The following MBD5 variants were observed in gnomAD, a reference collection of about 807,000 sequenced individuals.
MBD5 encodes the protein methyl-CpG-binding domain protein 5.
MBD5 carries 13 observed loss-of-function variants against 117.3 expected under a neutral mutation model. That is an observed-to-expected ratio of 0.11 (90% CI 0.07 to 0.18). The LOEUF (loss-of-function observed/expected upper bound fraction) is 0.18. Among genes scored for constraint, MBD5 ranks in the 10% least tolerant of loss-of-function variants. The pLI is 1.00. For synonymous variants in MBD5, 727 were observed against 766.4 expected, an observed-to-expected ratio of 0.95 and a Z score of 0.85; for missense variants, 1,879 against 2,093.8, an observed-to-expected ratio of 0.90 and a Z score of 2.00.
intron 4 of MBD5, among the ~76,000 whole-genome samples, chr2:148,345,065 A>G (rs16828565): frequency 0.047 from 7,196 of 151,790 alleles, 200 homozygotes; most frequent in African/African-American, 0.071. Flanking sequence ...TTATTTAACC[A>G]TGGAATGCAT....
At position 148,513,370 on chromosome 2, in the gene MBD5, A is replaced by G. The variant is rs1474651457; in HGVS notation, c.*429A>G. 5.7e-6 allele frequency: 1 copy of G among 176,600 alleles called. No individual in the cohort carries two copies. Among genetic ancestry groups the G allele is most frequent in the Non-Finnish European group, 1.2e-5 (1 of 81,792 alleles). The allele number at this position is 176,600 out of a possible 1,614,324, so 10.9% of individuals were successfully genotyped here. A position where few individuals can be genotyped will look rare whatever the true frequency, so the allele number is the denominator to read the frequency against. On this transcript the variant is annotated 3_prime_UTR_variant, in exon 14 of 14. Coordinates refer to ENST00000642680, the MANE Select transcript of MBD5 (RefSeq NM_001378120.1). Reference sequence around the variant, plus strand: ...ACTTTATCTTTTATTGTACAAAGAAATAGTGTACAAAATTCTTTGGTTTCT... The same window carrying G: ...ACTTTATCTTTTATTGTACAAAGAAGTAGTGTACAAAATTCTTTGGTTTCT...
chr2:148,020,975 T>G (rs902213249), upstream of MBD5: 1 of 151,982 alleles, frequency 6.6e-6, no homozygotes, highest in African/African-American at 2.4e-5. Flanking sequence ...TCTGGGAAAA[T>G]AGCTCATTTC....
chr2:148,038,848 T>C (rs1185849687), intron 1 of MBD5, among the ~76,000 whole-genome samples: 1 of 152,054 alleles, frequency 6.6e-6, no homozygotes, highest in Non-Finnish European at 1.5e-5. Flanking sequence ...TGATTTTTGT[T>C]TCAAAAATAT....
intron 3 of MBD5, among the ~76,000 whole-genome samples, chr2:148,294,278 G>A (rs2106442539): frequency 7.0e-6 from 1 of 143,544 alleles, no homozygotes; most frequent in Admixed American, 7.2e-5. Flanking sequence ...AGGCTGGAGT[G>A]CAGTGGCGTG....
intron 1 of MBD5, among the ~76,000 whole-genome samples, chr2:148,035,791 C>G (rs146339063): frequency 6.6e-6 from 1 of 152,242 alleles, no homozygotes; most frequent in East Asian, 1.9e-4. Flanking sequence ...TCAGTCTCTT[C>G]ATTAGTAAAA....
chr2:148,074,216 C>T (rs117168579), intron 1 of MBD5, among the ~76,000 whole-genome samples: 503 of 152,180 alleles, frequency 3.3e-3, no homozygotes, highest in East Asian at 8.3e-3. Flanking sequence ...GTCTGCTTAC[C>T]TTCAGCAACA....
chr2:148,345,895 T>G (rs1343652691), intron 4 of MBD5: 3 of 151,828 alleles, frequency 2.0e-5, no homozygotes, highest in Non-Finnish European at 4.4e-5. Flanking sequence ...GCTAGGCCTG[T>G]CTCTCCTTTT....
intron 3 of MBD5, among the ~76,000 whole-genome samples, chr2:148,326,233 G>A: frequency 6.6e-6 from 1 of 152,156 alleles, no homozygotes; most frequent in East Asian, 1.9e-4. Flanking sequence ...TTTTACATTT[G>A]CTGAGGAGAG....
At chr2:148,306,355 T>C (rs2106504219) in intron 3 of MBD5, among the ~76,000 whole-genome samples, 1 of 152,342 alleles carries the variant, frequency 6.6e-6, no homozygotes, top group South Asian at 2.1e-4. Context: ...TAGTCATATC[T>C]GATTCTGTGT....
Position 148,201,740 on chromosome 2 carries a change from G to A in MBD5, c.-831+22947G>A, listed in dbSNP as rs566401887. ...CTCTCAGTGGAGAGGGGATGCAAGA[G>A]TGGTCCCCCACCTGAAGTTGGGTGG... On this transcript the variant is annotated intron_variant, in intron 2 of 13. Transcript: ENST00000642680. Among the ~76,000 whole-genome samples, 7 of 152,310 alleles carry A rather than the reference G, an allele frequency of 4.6e-5. No individual in the cohort carries two copies. In the South Asian group the frequency reaches 1.5e-3, roughly 32 times the overall value.
At chr2:148,330,291 T>C (rs1262633670) in intron 3 of MBD5, among the ~76,000 whole-genome samples, 3 of 152,086 alleles carry the variant, frequency 2.0e-5, no homozygotes, top group East Asian at 1.9e-4. Flanking sequence ...TGCCAATCTC[T>C]GGACCCATCA....
chr2:148,180,343 C>CATATATATATATATATAT (rs70992196), intron 2 of MBD5, among the ~76,000 whole-genome samples: 13,840 of 104,804 alleles, frequency 0.13, 1,245 homozygotes, highest in African/African-American at 0.16. Context: ...AAAAATTATA[C>CATATATATATATATATAT]ATATATATAT....
intron 4 of MBD5, among the ~76,000 whole-genome samples, chr2:148,402,270 A>G (rs1704946791): frequency 6.6e-6 from 1 of 152,128 alleles, no homozygotes; most frequent in Admixed American, 6.6e-5. Flanking sequence ...AATTATTACT[A>G]GAGTGGTCAT....
At chr2:148,162,264 G>A (rs1323886941) in intron 1 of MBD5, among the ~76,000 whole-genome samples, 1 of 152,106 alleles carries the variant, frequency 6.6e-6, no homozygotes, top group Non-Finnish European at 1.5e-5. Flanking sequence ...TAATATATTA[G>A]CTGCCTTCCC....
intron 2 of MBD5, among the ~76,000 whole-genome samples, chr2:148,206,363 T>A (rs1256648530): frequency 3.3e-5 from 5 of 152,174 alleles, no homozygotes; most frequent in Non-Finnish European, 7.3e-5. Flanking sequence ...ATTATACACA[T>A]TTATGGGGTA....
At chr2:148,491,384 A>G (rs1234925725) in intron 11 of MBD5, among the ~76,000 whole-genome samples, 1 of 151,802 alleles carries the variant, frequency 6.6e-6, no homozygotes, top group Non-Finnish European at 1.5e-5. Context: ...AGTAGATAGA[A>G]AAATTTATAT....
intron 1 of MBD5, among the ~76,000 whole-genome samples, chr2:148,145,462 C>T (rs1176134344): frequency 6.6e-6 from 1 of 152,182 alleles, no homozygotes; most frequent in African/African-American, 2.4e-5. Flanking sequence ...CCTGATTGCC[C>T]TGGCCAGAAC....
chr2:148,511,216 C>T (rs933699665), intron 13 of MBD5, among the ~76,000 whole-genome samples: 22 of 152,158 alleles, frequency 1.4e-4, no homozygotes, highest in African/African-American at 5.3e-4. Context: ...AGAATACTGC[C>T]AGCATAGGTT....
At chr2:148,124,802 TATTTA>T (rs1239503109) in intron 1 of MBD5, among the ~76,000 whole-genome samples, 1 of 152,052 alleles carries the variant, frequency 6.6e-6, no homozygotes, top group Non-Finnish European at 1.5e-5. Context: ...TTGATGTATC[TATTTA>T]ATTTAATGGA....
Sources: gnomAD v4.1 joint callset for allele counts (sites outside exome capture counted in the v4.1 genomes callset) on GRCh38, gnomAD v4.1.1 for gene constraint, MANE v1.5 for transcripts, NCBI Gene and HGNC (gene_info 2026-07-23, HGNC 2026-07-21) for gene names.